Variants in CLCN1 observed in about 807,000 individuals in gnomAD.
The protein encoded by CLCN1 is chloride channel protein 1.
A neutral mutation model predicts 114.5 loss-of-function variants in CLCN1; 100 were observed. The observed-to-expected ratio is 0.87, with a 90% CI of 0.74 to 1.03. The LOEUF is 1.03. CLCN1 is among the 50% of genes least tolerant of loss of function. The pLI is 0.00. For synonymous variants in CLCN1, 485 were observed against 487.1 expected, an observed-to-expected ratio of 1.00 and a Z score of 0.06; for missense variants, 1,188 against 1,250.0, an observed-to-expected ratio of 0.95 and a Z score of 0.75.
chr7:143,347,316 A>G (rs961666851), intron 20 of CLCN1, among the ~76,000 whole-genome samples: 1 of 152,166 alleles, frequency 6.6e-6, no homozygotes, highest in Non-Finnish European at 1.5e-5. Flanking sequence ...ACATAGAAGA[A>G]GAACATCAAA....
intron 7 of CLCN1, among the ~76,000 whole-genome samples, chr7:143,328,304 G>A (rs1802628488): frequency 6.6e-6 from 1 of 152,144 alleles, no homozygotes; most frequent in Admixed American, 6.5e-5. Flanking sequence ...AGGAGACCAA[G>A]GACAAAGGCT....
At chr7:143,337,972 G>A (rs1216387302) in intron 12 of CLCN1, among the ~76,000 whole-genome samples, 1 of 151,208 alleles carries the variant, frequency 6.6e-6, no homozygotes. Context: ...GACTACAGGT[G>A]CCCACCACCA....
intron 22 of CLCN1, 94 bp from the exon 23 acceptor site, chr7:143,351,500 T>A: frequency 7.2e-7 from 1 of 1,383,686 alleles, no homozygotes; most frequent in Non-Finnish European, 1.0e-6. Context: ...TTTTTTCCTT[T>A]CATTGTACCT....
intron 6 of CLCN1, 51 bp downstream of exon 6, chr7:143,323,437 G>C: frequency 7.7e-7 from 1 of 1,303,652 alleles, no homozygotes; most frequent in Non-Finnish European, 1.1e-6. Context: ...GAAGGAGTCC[G>C]GCTGTGTGTC....
Position 143,330,867 on chromosome 7 carries a change from C to A in CLCN1, c.949C>A (p.Arg317=), listed in dbSNP as rs1337473924. 10 of 1,614,024 alleles carry A rather than the reference C, an allele frequency of 6.2e-6. No homozygotes were observed. The highest frequency in any genetic ancestry group is 8.5e-6 in the Non-Finnish European group (10 of 1,180,054). ...FAATFSAFVF[R]VLAVWNKDAV... Reference sequence around the variant, plus strand: ...AGCCACGTTCAGCGCCTTTGTGTTTCGAGTGCTGGCAGTGTGGAACAAGGA... The same window carrying A: ...AGCCACGTTCAGCGCCTTTGTGTTTAGAGTGCTGGCAGTGTGGAACAAGGA... Residue 317 remains arginine (R), a synonymous_variant, in exon 8 of 23, where the codon CGA becomes AGA. Transcript: ENST00000343257.
intron 12 of CLCN1, among the ~76,000 whole-genome samples, chr7:143,338,032 G>A (rs1260665039): frequency 6.6e-6 from 1 of 151,498 alleles, no homozygotes; most frequent in South Asian, 2.1e-4. Context: ...TTTTAGTGGA[G>A]ACAGGGTTTC....
rs918509343 is a variant in CLCN1 at position 143,321,596 on chromosome 7, C to T, written c.562+103C>T. 1 of 1,601,148 alleles carries T rather than the reference C, an allele frequency of 6.2e-7. No homozygotes were observed. Among genetic ancestry groups the T allele is most frequent in the Non-Finnish European group, 8.6e-7 (1 of 1,169,322 alleles). On this transcript the variant is annotated intron_variant, in intron 4 of 22. Transcript: ENST00000343257. This position sits in a 1 kb window ranked among gnomAD's most constrained non-coding sequence, Gnocchi z 4.2. ...CCACCCACAGCCCTGTGCTGCCTTGCCCCATCCTCCCCACCACTGCCTCTT... is the reference window on the plus strand; with the variant it reads ...CCACCCACAGCCCTGTGCTGCCTTGTCCCATCCTCCCCACCACTGCCTCTT...
chr7:143,346,236 GCA>G lies in CLCN1; in HGVS notation c.2271_2272del (p.Pro758ArgfsTer38). 1.2e-6 allele frequency: 2 copies of G among 1,611,484 alleles called. No individual in the cohort carries two copies. The highest frequency in any genetic ancestry group is 1.7e-6 in the Non-Finnish European group (2 of 1,177,952). On this transcript the variant is annotated frameshift_variant, in exon 18 of 23. Coordinates refer to ENST00000343257, the MANE Select transcript of CLCN1 (RefSeq NM_000083.3). LOFTEE classifies it high-confidence loss of function. ...GCCTGGCCACAAACAGCAGCCGGAA[GCA>G]CCAGAGCCTGCAGGTGACGCTCTTC... ...PLPGHKQQPE[A>X]PEPAGQRPSI...
rs372052925 is a variant in CLCN1 at position 143,332,799 on chromosome 7, C to G, written c.1327C>G (p.Leu443Val). ...GAAACACGCGGGTGATCCTGAGAGCCTGGGCCAGTCAGCTGTGTGGATTCA... is the reference window on the plus strand; with the variant it reads ...GAAACACGCGGGTGATCCTGAGAGCGTGGGCCAGTCAGCTGTGTGGATTCA... ...WVKHAGDPESLGQSAVWIHPR... is the reference protein window; with the variant it reads ...WVKHAGDPESVGQSAVWIHPR... Residue 443 changes from leucine (L) to valine (V), a missense_variant, in exon 12 of 23, where the codon CTG becomes GTG. Physicochemically the swap from Leu to Val is conservative, Grantham distance 32. Coordinates refer to ENST00000343257, the MANE Select transcript of CLCN1 (RefSeq NM_000083.3). The G allele has an allele frequency of 6.2e-7, 1 of 1,614,144 alleles. No homozygotes were observed. The highest frequency in any genetic ancestry group is 8.5e-7 in the Non-Finnish European group (1 of 1,180,022).
At chr7:143,319,196 G>A (rs547966704) in intron 1 of CLCN1, among the ~76,000 whole-genome samples, 3 of 152,158 alleles carry the variant, frequency 2.0e-5, no homozygotes, top group Non-Finnish European at 2.9e-5. Context: ...GTTCTTGTGT[G>A]TGCATACAAG....
chr7:143,331,268 T>C lies in CLCN1; in HGVS notation c.1016T>C (p.Met339Thr), dbSNP rs769517790. ...GCTCTGTTCAGAACCAATTTCCGAATGGATTTCCCCTTTGACCTGAAGGAA... is the reference window on the plus strand; with the variant it reads ...GCTCTGTTCAGAACCAATTTCCGAACGGATTTCCCCTTTGACCTGAAGGAA... ...ITALFRTNFRMDFPFDLKELP... is the reference protein window; with the variant it reads ...ITALFRTNFRTDFPFDLKELP... The change falls in exon 9 of 23, where the codon ATG (methionine) becomes ACG (threonine). Residue 339 changes from methionine to threonine, a missense_variant. Physicochemically the swap from Met to Thr is moderately conservative, Grantham distance 81. Coordinates refer to ENST00000343257, the MANE Select transcript of CLCN1 (RefSeq NM_000083.3). 3 of 1,613,760 alleles carry C rather than the reference T, an allele frequency of 1.9e-6. No homozygotes were observed. Among genetic ancestry groups the C allele is most frequent in the Non-Finnish European group, 2.5e-6 (3 of 1,179,670 alleles).
intron 20 of CLCN1, among the ~76,000 whole-genome samples, chr7:143,347,492 G>A (rs918643737): frequency 2.6e-5 from 4 of 151,804 alleles, no homozygotes; most frequent in Non-Finnish European, 4.4e-5. Flanking sequence ...ATGGTGGCAC[G>A]CACCTGTAAT....
chr7:143,320,887 G>A (rs1398210562), intron 3 of CLCN1, 92 bp downstream of exon 3: 5 of 1,459,670 alleles, frequency 3.4e-6, no homozygotes, highest in Non-Finnish European at 4.8e-6. Context: ...TGTTAAGCAG[G>A]GTGTGTTATG....
Position 143,332,474 on chromosome 7 carries a change from C to T in CLCN1, c.1222C>T (p.Pro408Ser), listed in dbSNP as rs202019723. Residue 408 changes from proline (P) to serine (S), a missense_variant, in exon 11 of 23, where the codon CCA (proline) becomes TCA (serine). Pro to Ser is a moderately conservative substitution (Grantham distance 74). Transcript: ENST00000343257. ...TFVIASFTFPPGMGQFMAGEL... is the reference protein window; with the variant it reads ...TFVIASFTFPSGMGQFMAGEL... ...TGTCATTGCCTCATTCACCTTCCCA[C>T]CAGGAATGGGTCAATTCATGGCTGG... 1 of 1,614,038 alleles carries T rather than the reference C, an allele frequency of 6.2e-7. No homozygotes were observed. The highest frequency in any genetic ancestry group is 8.5e-7 in the Non-Finnish European group (1 of 1,179,934).
Position 143,351,743 on chromosome 7 carries a change from G to A in CLCN1, c.2745G>A (p.Gly915=). 1.9e-6 allele frequency: 3 copies of A among 1,614,028 alleles called. No homozygotes were observed. Among genetic ancestry groups the A allele is most frequent in the East Asian group, 2.2e-5 (1 of 44,876 alleles). Residue 915 remains glycine (G), a synonymous_variant, in exon 23 of 23, where the codon GGG becomes GGA. Transcript: ENST00000343257. ...GGAACCTGCCTGAGGACAGGCCTGG[G>A]GCCACTGGAACAGGGGATGTGATTG... The part of the protein sequence containing the change: ...ENWNLPEDRP[G]ATGTGDVIAA...
Position 143,321,706 on chromosome 7 carries a change from C to A in CLCN1, c.563-9C>A, listed in dbSNP as rs201404573. The A allele has an allele frequency of 2.5e-6, 4 of 1,614,126 alleles. No homozygotes were observed. In the African/African-American group the frequency reaches 5.3e-5, roughly 22 times the overall value. On this transcript the variant is annotated splice_polypyrimidine_tract_variant and intron_variant, in intron 4 of 22. Coordinates refer to ENST00000343257, the MANE Select transcript of CLCN1 (RefSeq NM_000083.3). The surrounding 1 kb of genome is among the most constrained non-coding windows in gnomAD (Gnocchi z 4.2). The stretch of plus-strand genomic sequence containing the variant: ...CTTGACCCTGCACATAATCTTTCAA[C>A]GCTTTTAGGCTCTGGAATCCCCGAA...
chr7:143,349,922 C>T (rs1465704882), intron 20 of CLCN1, among the ~76,000 whole-genome samples: 1 of 152,190 alleles, frequency 6.6e-6, no homozygotes, highest in African/African-American at 2.4e-5. Context: ...AATACGTACA[C>T]TGCAGGGAGA....
At chr7:143,341,844 C>A in intron 14 of CLCN1, 85 bp from the exon 15 acceptor site, 1 of 1,040,124 alleles carries the variant, frequency 9.6e-7, no homozygotes, top group Non-Finnish European at 1.5e-6. Context: ...TCTCTCATTC[C>A]GTGTTATTCC....
At position 143,332,768 on chromosome 7, in the gene CLCN1, A is replaced by G. The variant is rs377638213; in HGVS notation, c.1296A>G (p.Thr432=). 1.2e-6 allele frequency: 2 copies of G among 1,614,084 alleles called. No individual in the cohort carries two copies. The highest frequency in any genetic ancestry group is 3.3e-5 in the Admixed American group (2 of 60,004). Residue 432 remains threonine (T), a synonymous_variant, in exon 12 of 23, where the codon ACA becomes ACG. Transcript: ENST00000343257. ...TCAGTACTTTGTTTGACAACAATAC[A>G]TGGGTGAAACACGCGGGTGATCCTG... ...EAISTLFDNN[T]WVKHAGDPES...
Sources: gnomAD v4.1 joint callset for allele counts (sites outside exome capture counted in the v4.1 genomes callset) on GRCh38, gnomAD v4.1.1 for gene constraint, Gnocchi (gnomAD v3.1) non-coding constraint, MANE v1.5 for transcripts, NCBI Gene and HGNC (gene_info 2026-07-23, HGNC 2026-07-21) for gene names.